Variants in GABRB2 observed in about 807,000 individuals in gnomAD.
GABRB2 encodes the protein gamma-aminobutyric acid receptor subunit beta-2.
A neutral mutation model predicts 54.7 loss-of-function variants in GABRB2; 16 were observed. That is an observed-to-expected ratio of 0.29 (90% CI 0.20 to 0.44). The LOEUF (loss-of-function observed/expected upper bound fraction) is 0.44, where lower values mean the gene tolerates loss of function less well. Among genes scored for constraint, GABRB2 ranks in the 20% least tolerant of loss-of-function variants. GABRB2 has a pLI of 1.00. For missense variants in GABRB2, 355 were observed against 644.0 expected, an observed-to-expected ratio of 0.55 and a Z score of 4.86; for synonymous variants, 244 against 233.8, an observed-to-expected ratio of 1.04 and a Z score of -0.40.
chr5:161,326,306 C>G (rs1315604132), intron 9 of GABRB2, 62 bp downstream of exon 9: 108 of 1,599,802 alleles, frequency 6.8e-5, no homozygotes, highest in Non-Finnish European at 8.4e-5. Flanking sequence ...TTTAAGGGAA[C>G]AGCTAAACAA....
At position 161,494,526 on chromosome 5, in the gene GABRB2, C is replaced by T. The variant is rs1759172056; in HGVS notation, c.238-34682G>A. Among the ~76,000 whole-genome samples, 4 of 137,304 alleles carry T rather than the reference C, an allele frequency of 2.9e-5. No individual in the cohort carries two copies. In the South Asian group the frequency reaches 9.8e-4, roughly 34 times the overall value. The allele number at this position is 137,304 out of a possible 152,430, so 90.1% of individuals were successfully genotyped here. Reference sequence around the variant, plus strand: ...TTAAAAGGCAGTGGGAATATATTTACTGTTAGGTATGCGTGTGTGTGTGTG... The same window carrying T: ...TTAAAAGGCAGTGGGAATATATTTATTGTTAGGTATGCGTGTGTGTGTGTG... On this transcript the variant is annotated intron_variant, in intron 3 of 9. Coordinates refer to ENST00000393959, the MANE Select transcript of GABRB2 (RefSeq NM_001371727.1).
At chr5:161,449,787 CAT>C (rs1046589155) in intron 4 of GABRB2, among the ~76,000 whole-genome samples, 3 of 151,884 alleles carry the variant, frequency 2.0e-5, no homozygotes, top group Admixed American at 1.3e-4. Flanking sequence ...CACACACACA[CAT>C]GCACACACAC....
At chr5:161,538,528 T>C (rs1393582376) in intron 3 of GABRB2, among the ~76,000 whole-genome samples, 1 of 152,142 alleles carries the variant, frequency 6.6e-6, no homozygotes. Flanking sequence ...ACTATAAGAA[T>C]AGTAAACGCC....
chr5:161,385,616 A>C (rs987968610), intron 5 of GABRB2, among the ~76,000 whole-genome samples: 1 of 152,182 alleles, frequency 6.6e-6, no homozygotes, highest in Non-Finnish European at 1.5e-5. Context: ...AAATTATTTT[A>C]TGAAGTCAAC....
intron 4 of GABRB2, among the ~76,000 whole-genome samples, chr5:161,428,288 CGTGTGTGTGT>C (rs71302909): frequency 7.6e-5 from 11 of 145,290 alleles, no homozygotes; most frequent in East Asian, 4.1e-4. Context: ...CAGAGAGTTA[CGTGTGTGTGT>C]GTGTGTGTGT....
rs1342907294 is a variant in GABRB2 at position 161,496,801 on chromosome 5, T to C, written c.238-36957A>G. On this transcript the variant is annotated intron_variant, in intron 3 of 9. Transcript: ENST00000393959. ...AATGTGATATTTTTCTTTGTAACAT[T>C]TTTTTCAACTAATATTGATAACTCT... Among the ~76,000 whole-genome samples the C allele has an allele frequency of 2.0e-5, 3 of 152,286 alleles. No homozygotes were observed. The East Asian group carries it at 5.8e-4, about 29-fold the overall frequency.
intron 4 of GABRB2, among the ~76,000 whole-genome samples, chr5:161,420,607 C>T (rs1756821289): frequency 6.6e-6 from 1 of 152,214 alleles, no homozygotes; most frequent in East Asian, 1.9e-4. Flanking sequence ...TTCTGTAAGA[C>T]CTGTGGCCAG....
intron 3 of GABRB2, among the ~76,000 whole-genome samples, chr5:161,507,387 T>C (rs1205643629): frequency 6.6e-6 from 1 of 152,150 alleles, no homozygotes; most frequent in Non-Finnish European, 1.5e-5. Context: ...TTATATAAGA[T>C]GTTAACATCA....
intron 4 of GABRB2, among the ~76,000 whole-genome samples, chr5:161,422,697 A>C (rs1372210241): frequency 2.6e-5 from 4 of 152,160 alleles, no homozygotes; most frequent in African/African-American, 9.6e-5. Flanking sequence ...GTTTGCACTA[A>C]GGGCATTCCT....
chr5:161,393,604 G>T (rs1299486168), intron 5 of GABRB2, among the ~76,000 whole-genome samples: 1 of 151,830 alleles, frequency 6.6e-6, no homozygotes, highest in Non-Finnish European at 1.5e-5. Flanking sequence ...ATGTCAGAAA[G>T]GTTATTTTAA....
intron 4 of GABRB2, among the ~76,000 whole-genome samples, chr5:161,415,141 T>C (rs965910374): frequency 6.6e-6 from 1 of 152,230 alleles, no homozygotes; most frequent in African/African-American, 2.4e-5. Context: ...TAGTACATCA[T>C]TATGCAGGTA....
At chr5:161,506,234 A>G (rs1284091748) in intron 3 of GABRB2, among the ~76,000 whole-genome samples, 1 of 152,120 alleles carries the variant, frequency 6.6e-6, no homozygotes, top group East Asian at 1.9e-4. Flanking sequence ...CCTCTATACA[A>G]ACATTTAGGA....
chr5:161,337,612 C>T (rs966940892), intron 5 of GABRB2, among the ~76,000 whole-genome samples: 6 of 152,082 alleles, frequency 3.9e-5, no homozygotes, highest in Non-Finnish European at 5.9e-5. Context: ...TAATGATACT[C>T]TCAATACACA....
intron 3 of GABRB2, among the ~76,000 whole-genome samples, chr5:161,523,469 C>G (rs1191188764): frequency 6.6e-6 from 1 of 151,434 alleles, no homozygotes; most frequent in Admixed American, 6.6e-5. Context: ...TGGACTCTGA[C>G]AGGCCACATT....
intron 3 of GABRB2, among the ~76,000 whole-genome samples, chr5:161,536,241 G>C (rs562041112): frequency 3.9e-5 from 6 of 152,204 alleles, no homozygotes; most frequent in Non-Finnish European, 7.4e-5. Context: ...AGCGCTGTAC[G>C]AAAGTTCAGG....
At chr5:161,492,907 G>T (rs1193627455) in intron 3 of GABRB2, among the ~76,000 whole-genome samples, 1 of 151,594 alleles carries the variant, frequency 6.6e-6, no homozygotes, top group Non-Finnish European at 1.5e-5. Context: ...GCTTACAAAA[G>T]TATATACATT....
intron 5 of GABRB2, among the ~76,000 whole-genome samples, chr5:161,352,440 G>A (rs932632107): frequency 6.6e-6 from 1 of 151,958 alleles, no homozygotes; most frequent in Admixed American, 6.6e-5. Context: ...TATGTTAAGT[G>A]AAATAAGGCA....
chr5:161,545,997 T>G (rs1301287155), intron 2 of GABRB2, among the ~76,000 whole-genome samples: 1 of 152,226 alleles, frequency 6.6e-6, no homozygotes, highest in Non-Finnish European at 1.5e-5. Flanking sequence ...CAAGCCGGGT[T>G]CTCTCGGCAC....
At chr5:161,533,494 A>T (rs1289836256) in intron 3 of GABRB2, among the ~76,000 whole-genome samples, 1 of 152,116 alleles carries the variant, frequency 6.6e-6, no homozygotes, top group African/African-American at 2.4e-5. Flanking sequence ...TATGAGTTAG[A>T]GTCATATAAA....
Sources: allele counts gnomAD v4.1 joint callset (sites outside exome capture counted in the v4.1 genomes callset), GRCh38; gene constraint gnomAD v4.1.1; transcripts MANE v1.5; gene names NCBI Gene and HGNC (gene_info 2026-07-23, HGNC 2026-07-21).